Variants in PTPRF observed in about 807,000 individuals in gnomAD.
The protein encoded by PTPRF is protein tyrosine phosphatase receptor type F, also known as receptor-type tyrosine-protein phosphatase F.
PTPRF carries 59 observed loss-of-function variants against 201.8 expected under a neutral mutation model. That is an observed-to-expected ratio of 0.29 (90% CI 0.24 to 0.36). The LOEUF (loss-of-function observed/expected upper bound fraction) is 0.36, where lower values mean the gene tolerates loss of function less well. Among genes scored for constraint, PTPRF ranks in the 10% least tolerant of loss-of-function variants. The pLI is 1.00. For missense variants in PTPRF, 2,132 were observed against 2,690.5 expected (o/e 0.79, Z 4.59); for synonymous variants, 1,088 against 1,089.7 (o/e 1.00, Z 0.03).
chr1:43,534,174 T>C (rs1440799714), intron 1 of PTPRF, among the ~76,000 whole-genome samples: 3 of 152,172 alleles, frequency 2.0e-5, no homozygotes, highest in Non-Finnish European at 4.4e-5. Context: ...CTGGGAGGTG[T>C]TGTCACTTGT....
chr1:43,544,977 T>G, intron 2 of PTPRF, 54 bp from the exon 3 acceptor site: 1 of 1,071,516 alleles, frequency 9.3e-7, no homozygotes, highest in Non-Finnish European at 1.3e-6. Context: ...GGGGTGGGCA[T>G]TAGGGACAGC....
chr1:43,618,044 G>A, intron 25 of PTPRF, 133 bp downstream of exon 25: 1 of 965,612 alleles, frequency 1.0e-6, no homozygotes, highest in South Asian at 1.8e-5. Context: ...TATTGTTACT[G>A]GGGGTATTAT....
intron 7 of PTPRF, among the ~76,000 whole-genome samples, chr1:43,586,025 G>A (rs1649053378): frequency 6.6e-6 from 1 of 152,168 alleles, no homozygotes; most frequent in Non-Finnish European, 1.5e-5. Flanking sequence ...CTTTTTTCAG[G>A]CCTGTCAGCT....
At chr1:43,620,072 G>T in intron 29 of PTPRF, 23 bp from the exon 30 acceptor site, 1 of 1,613,358 alleles carries the variant, frequency 6.2e-7, no homozygotes, top group African/African-American at 1.3e-5. Context: ...CCTCCAGCAT[G>T]TCCAGTCTTA....
intron 2 of PTPRF, 129 bp from the exon 3 acceptor site, chr1:43,544,902 T>TG (rs898644594): frequency 3.3e-6 from 2 of 603,112 alleles, no homozygotes; most frequent in Non-Finnish European, 5.7e-6. Context: ...ACAGCCCAAG[T>TG]GGGGGGCTCT....
Position 43,588,716 on chromosome 1 carries a change from T to C in PTPRF, c.680-15T>C, listed in dbSNP as rs1649829995. On this transcript the variant is annotated splice_polypyrimidine_tract_variant and intron_variant, in intron 7 of 33. Transcript: ENST00000359947. The surrounding 1 kb of genome is among the most constrained non-coding windows in gnomAD (Gnocchi z 5.3). ...CCTGCCCGGCCTGTGAGTGCCTCTC[T>C]CCCTCCTCCTGCAGTGCGCCGCGTG... 5.0e-6 allele frequency: 8 copies of C among 1,611,772 alleles called. No individual in the cohort carries two copies. Among genetic ancestry groups the C allele is most frequent in the Non-Finnish European group, 6.8e-6 (8 of 1,179,734 alleles).
intron 29 of PTPRF, 94 bp from the exon 30 acceptor site, chr1:43,620,001 T>A (rs945297897): frequency 1.3e-6 from 2 of 1,575,860 alleles, no homozygotes; most frequent in Non-Finnish European, 1.7e-6. Flanking sequence ...GGAGGAGGGG[T>A]GATCTGAGCA....
At chr1:43,620,041 GA>G in intron 29 of PTPRF, 53 bp from the exon 30 acceptor site, 1 of 1,609,586 alleles carries the variant, frequency 6.2e-7, no homozygotes, top group Non-Finnish European at 8.5e-7. Flanking sequence ...AGCCTAAGGG[GA>G]GACTCTAGGG....
intron 8 of PTPRF, among the ~76,000 whole-genome samples, chr1:43,590,277 C>T (rs1471175628): frequency 1.3e-5 from 2 of 152,204 alleles, no homozygotes; most frequent in Non-Finnish European, 2.9e-5. Flanking sequence ...TTCCTGCTGT[C>T]CTTGCACATG....
chr1:43,592,055 C>G (rs1262751141), intron 10 of PTPRF, 107 bp downstream of exon 10: 1 of 1,491,784 alleles, frequency 6.7e-7, no homozygotes, highest in East Asian at 2.3e-5. Flanking sequence ...TATGTGGGCA[C>G]AGCCTCTAAG....
intron 5 of PTPRF, among the ~76,000 whole-genome samples, chr1:43,558,987 GAAGA>G (rs1645597263): frequency 6.6e-6 from 1 of 152,230 alleles, no homozygotes; most frequent in Non-Finnish European, 1.5e-5. Flanking sequence ...GAGGCGGGGA[GAAGA>G]AAGAAGCTGT....
Position 43,591,537 on chromosome 1 carries a change from C to T in PTPRF, c.1515C>T (p.Val505=). Residue 505 remains valine, a synonymous_variant, in exon 9 of 34, where the codon GTC becomes GTT. Transcript: ENST00000359947. ...GDGPPSPTIQ[V]KTQQGVPAQP... is the part of the protein sequence containing the mutation. ...GCCCTCCCAGCCCCACCATCCAGGT[C>T]AAGACGCAGCAGGGAGGTAGGTGGG... 6.3e-7 allele frequency: 1 copy of T among 1,584,280 alleles called. No individual in the cohort carries two copies. Among genetic ancestry groups the T allele is most frequent in the Non-Finnish European group, 8.6e-7 (1 of 1,164,912 alleles).
intron 7 of PTPRF, among the ~76,000 whole-genome samples, chr1:43,587,169 G>A (rs1230204301): frequency 6.6e-6 from 1 of 152,174 alleles, no homozygotes; most frequent in African/African-American, 2.4e-5. Flanking sequence ...CTCTTGGGCT[G>A]GGCAGAGGAG....
chr1:43,596,337 G>A (rs1652253932), intron 11 of PTPRF, among the ~76,000 whole-genome samples: 2 of 152,152 alleles, frequency 1.3e-5, no homozygotes, highest in Admixed American at 6.5e-5. Flanking sequence ...TGCAGGGGAG[G>A]AGAAAGTCCT....
At chr1:43,586,840 C>G (rs965840039) in intron 7 of PTPRF, among the ~76,000 whole-genome samples, 6 of 152,202 alleles carry the variant, frequency 3.9e-5, no homozygotes, top group African/African-American at 1.2e-4. Flanking sequence ...GAGAAGGTCG[C>G]TTTTCTAATA....
intron 13 of PTPRF, among the ~76,000 whole-genome samples, chr1:43,599,328 A>C (rs1570504469): frequency 6.6e-6 from 1 of 152,142 alleles, no homozygotes; most frequent in African/African-American, 2.4e-5. Context: ...CGCCTGCCTC[A>C]GTCTCCCAGA....
chr1:43,589,112 C>CA, intron 8 of PTPRF, 112 bp downstream of exon 8: 1 of 1,327,328 alleles, frequency 7.5e-7, no homozygotes, highest in Non-Finnish European at 9.9e-7. Flanking sequence ...GGGATTCTTG[C>CA]CCTTTCCTGG....
intron 5 of PTPRF, among the ~76,000 whole-genome samples, chr1:43,566,015 T>C (rs1305052840): frequency 6.6e-6 from 1 of 152,030 alleles, no homozygotes; most frequent in Non-Finnish European, 1.5e-5. Flanking sequence ...GGTTGGAAAA[T>C]GGGTGGGTGC....
At chr1:43,527,739 C>T (rs1230487682), upstream of PTPRF, among the ~76,000 whole-genome samples, 2 of 152,170 alleles carry the variant, frequency 1.3e-5, no homozygotes, top group African/African-American at 4.8e-5. Context: ...GCAGAGGGAA[C>T]AGGGCTGCCA....
Sources: allele counts gnomAD v4.1 joint callset (sites outside exome capture counted in the v4.1 genomes callset), GRCh38; gene constraint gnomAD v4.1.1; non-coding constraint Gnocchi (gnomAD v3.1); transcripts MANE v1.5; gene names NCBI Gene and HGNC (gene_info 2026-07-23, HGNC 2026-07-21).